GPHN: variants seen among roughly 807,000 people sequenced by gnomAD.
The protein encoded by GPHN is gephyrin.
A neutral mutation model predicts 95.5 loss-of-function variants in GPHN; 17 were observed. The observed-to-expected ratio is 0.18, with a 90% confidence interval of 0.12 to 0.27. The LOEUF is 0.27. Among genes scored for constraint, GPHN ranks in the 10% least tolerant of loss-of-function variants. The pLI is 1.00. For synonymous variants in GPHN, 320 were observed against 322.5 expected (o/e 0.99, Z 0.08); for missense variants, 660 against 978.1 (o/e 0.67, Z 4.34).
the GPHN span, among the ~76,000 whole-genome samples, chr14:67,435,643 G>C: frequency 1.3e-5 from 2 of 152,196 alleles, no homozygotes; most frequent in Non-Finnish European, 2.9e-5. Flanking sequence ...AGCAATAACA[G>C]AGCACCTACA....
chr14:66,593,530 G>A (rs2061846909), intron 1 of GPHN, among the ~76,000 whole-genome samples: 1 of 152,086 alleles, frequency 6.6e-6, no homozygotes, highest in South Asian at 2.1e-4. Context: ...TCACTATCAT[G>A]AGAACAGCAT....
chr14:66,932,685 G>A lies in GPHN; in HGVS notation c.828+8393G>A, dbSNP rs567186905. On this transcript the variant is annotated intron_variant, in intron 8 of 22. Transcript: ENST00000478722. ...TCACTCTAGGCTCAGGGCAGCTACC[G>A]CTTGGCTGCCACTGATGTTTATTCA... Among the ~76,000 whole-genome samples the A allele has an allele frequency of 5.3e-5, 8 of 151,046 alleles. No homozygotes were observed. In the South Asian group the frequency reaches 1.3e-3, roughly 24 times the overall value.
chr14:66,971,719 C>T (rs2069798084), intron 9 of GPHN, among the ~76,000 whole-genome samples: 1 of 152,170 alleles, frequency 6.6e-6, no homozygotes, highest in African/African-American at 2.4e-5. Flanking sequence ...CCATTCCATA[C>T]TCACACCTTA....
chr14:66,622,456 C>T (rs931750331), intron 1 of GPHN, among the ~76,000 whole-genome samples: 3 of 152,326 alleles, frequency 2.0e-5, no homozygotes, highest in African/African-American at 2.4e-5. Flanking sequence ...CTCCTCATTA[C>T]TTTTGCAAAT....
the GPHN span, chr14:67,225,118 T>A: frequency 7.6e-6 from 12 of 1,574,098 alleles, no homozygotes; most frequent in Non-Finnish European, 1.0e-5. Flanking sequence ...TTCCCTCTAG[T>A]TCTCTCCCCT....
At chr14:66,598,466 G>T (rs915899261) in intron 1 of GPHN, among the ~76,000 whole-genome samples, 1 of 152,084 alleles carries the variant, frequency 6.6e-6, no homozygotes, top group African/African-American at 2.4e-5. Flanking sequence ...GAATCCAGTG[G>T]TCTTACTTCA....
At chr14:67,460,682 C>G in the GPHN span, among the ~76,000 whole-genome samples, 211 of 152,232 alleles carry the variant, frequency 1.4e-3, 1 homozygote, top group African/African-American at 4.9e-3. Flanking sequence ...CCAGCCTGGG[C>G]AACAGTGAGA....
chr14:66,961,338 T>G (rs1236953835), intron 8 of GPHN, among the ~76,000 whole-genome samples: 1 of 152,040 alleles, frequency 6.6e-6, no homozygotes, highest in Non-Finnish European at 1.5e-5. Flanking sequence ...CTCTGCTGTT[T>G]TCACTGATGT....
chr14:67,383,724 C>T, the GPHN span: 2 of 370,856 alleles, frequency 5.4e-6, no homozygotes, highest in Non-Finnish European at 1.0e-5. Context: ...ATTTCCATTT[C>T]TGATGTCTCC....
chr14:67,448,120 C>CTTTTTTTTTTTT, the GPHN span, among the ~76,000 whole-genome samples: 35 of 36,076 alleles, frequency 9.7e-4, 9 homozygotes, highest in African/African-American at 3.2e-3. Flanking sequence ...ATAGCCCATT[C>CTTTTTTTTTTTT]TTTTTTTTTT....
chr14:66,546,219 T>C (rs2059589551), intron 1 of GPHN, among the ~76,000 whole-genome samples: 2 of 147,208 alleles, frequency 1.4e-5, no homozygotes, highest in Non-Finnish European at 3.0e-5. Context: ...GGATGGTGGC[T>C]GGGAAGAGGT....
At chr14:67,487,654 C>G in the GPHN span, among the ~76,000 whole-genome samples, 1 of 152,286 alleles carries the variant, frequency 6.6e-6, no homozygotes, top group East Asian at 1.9e-4. Flanking sequence ...AACCTTTCTA[C>G]GTACTATTCT....
chr14:66,610,387 T>C (rs2062729965), intron 1 of GPHN, among the ~76,000 whole-genome samples: 1 of 152,094 alleles, frequency 6.6e-6, no homozygotes, highest in Non-Finnish European at 1.5e-5. Context: ...CCACACAGGT[T>C]TCCCAGTTTC....
chr14:67,380,588 A>G, the GPHN span: 2 of 762,176 alleles, frequency 2.6e-6, no homozygotes, highest in South Asian at 2.8e-5. Flanking sequence ...GCATTGTTCC[A>G]TAGTGTTTGG....
the GPHN span, among the ~76,000 whole-genome samples, chr14:67,638,767 A>G: frequency 6.6e-6 from 1 of 152,210 alleles, no homozygotes; most frequent in East Asian, 1.9e-4. Context: ...GCAGAAACAC[A>G]AGGTTGCTGA....
At chr14:67,393,476 CAG>C in the GPHN span, among the ~76,000 whole-genome samples, 1 of 152,052 alleles carries the variant, frequency 6.6e-6, no homozygotes, top group Admixed American at 6.5e-5. Context: ...TTTTTTGAGA[CAG>C]AGTCTCGCTC....
intron 3 of GPHN, among the ~76,000 whole-genome samples, chr14:66,817,236 C>CAT (rs1229500046): frequency 2.0e-5 from 3 of 151,418 alleles, no homozygotes; most frequent in Non-Finnish European, 2.9e-5. Context: ...TATGTGTATA[C>CAT]ATATATATAT....
chr14:66,921,592 T>C (rs2066220185), intron 6 of GPHN, among the ~76,000 whole-genome samples: 2 of 152,270 alleles, frequency 1.3e-5, no homozygotes, highest in South Asian at 2.1e-4. Context: ...TATCCCATGC[T>C]CACGGATTAG....
rs1377700591 is a variant in GPHN at position 66,896,778 on chromosome 14, A to C, written c.389+16745A>C. On this transcript the variant is annotated intron_variant, in intron 5 of 22. Coordinates refer to ENST00000478722, the MANE Select transcript of GPHN (RefSeq NM_020806.5). ...TAATGAGGAAAATACTTAAAGTAAGATAAGAAAGGGAGAAAAAAACAAACA... is the reference window on the plus strand; with the variant it reads ...TAATGAGGAAAATACTTAAAGTAAGCTAAGAAAGGGAGAAAAAAACAAACA... Among the ~76,000 whole-genome samples, 3 of 152,240 alleles carry C rather than the reference A, an allele frequency of 2.0e-5. No individual in the cohort carries two copies. In the East Asian group the frequency reaches 5.8e-4, roughly 29 times the overall value.
Sources: allele counts gnomAD v4.1 joint callset (sites outside exome capture counted in the v4.1 genomes callset), GRCh38; gene constraint gnomAD v4.1.1; transcripts MANE v1.5; gene names NCBI Gene and HGNC (gene_info 2026-07-23, HGNC 2026-07-21).